PRKN: variants seen among roughly 807,000 people sequenced by gnomAD.
The protein encoded by PRKN is parkin RBR E3 ubiquitin protein ligase.
Under a neutral mutation model 59.5 loss-of-function variants are expected in PRKN, and 56 were observed. The observed-to-expected ratio is 0.94, with a 90% CI of 0.76 to 1.18. The LOEUF is 1.18. Among genes scored for constraint, PRKN ranks in the 50% most tolerant of loss-of-function variants. The pLI is 0.00. For missense variants in PRKN, 657 were observed against 596.4 expected (o/e 1.10, Z -1.06); for synonymous variants, 250 against 222.1 (o/e 1.13, Z -1.12).
chr6:162,481,228 C>T (rs1298185254), intron 1 of PRKN, among the ~76,000 whole-genome samples: 2 of 152,204 alleles, frequency 1.3e-5, no homozygotes. Flanking sequence ...CCCTATTGAT[C>T]TAGCCAGCTT....
intron 2 of PRKN, among the ~76,000 whole-genome samples, chr6:162,425,837 G>A (rs1006924771): frequency 2.0e-5 from 3 of 152,186 alleles, no homozygotes; most frequent in Non-Finnish European, 4.4e-5. Context: ...TGACACTGGT[G>A]TATATTTTTC....
chr6:162,633,881 T>G (rs1373364816), intron 1 of PRKN, among the ~76,000 whole-genome samples: 1 of 152,132 alleles, frequency 6.6e-6, no homozygotes, highest in Non-Finnish European at 1.5e-5. Flanking sequence ...CTAGACATTC[T>G]AGGTGTGAGG....
chr6:162,308,893 T>C (rs894967320), intron 2 of PRKN, among the ~76,000 whole-genome samples: 5 of 152,122 alleles, frequency 3.3e-5, no homozygotes, highest in Admixed American at 2.6e-4. Flanking sequence ...TTCTGGGTTT[T>C]TTTTTCCTAG....
intron 6 of PRKN, among the ~76,000 whole-genome samples, chr6:161,887,405 T>C (rs533766179): frequency 9.7e-4 from 147 of 152,302 alleles, no homozygotes; most frequent in African/African-American, 3.4e-3. Context: ...GCAGTAGGCT[T>C]TCCTCTGCTA....
At chr6:162,237,237 G>A (rs562005141) in intron 3 of PRKN, among the ~76,000 whole-genome samples, 6 of 152,220 alleles carry the variant, frequency 3.9e-5, no homozygotes, top group Admixed American at 3.3e-4. Flanking sequence ...GGAAAAAAAT[G>A]TGATTATTAG....
chr6:161,739,523 A>G (rs971325310), intron 7 of PRKN, among the ~76,000 whole-genome samples: 2 of 152,230 alleles, frequency 1.3e-5, no homozygotes, highest in African/African-American at 4.8e-5. Context: ...TGTAATAGCT[A>G]TTCATACTTA....
chr6:162,321,715 C>G (rs1298060323), intron 2 of PRKN, among the ~76,000 whole-genome samples: 1 of 151,878 alleles, frequency 6.6e-6, no homozygotes, highest in Non-Finnish European at 1.5e-5. Flanking sequence ...CTTTGAAAAT[C>G]AAACATAATT....
In PRKN at chr6:161,566,964, A is replaced by G. The variant is rs1780665029; in HGVS notation, c.933+2391T>C. The stretch of plus-strand genomic sequence containing the variant: ...ATTCACCTGTCACCTGCTCAGTGAA[A>G]CTTTCCCTGACCACCTTATATAAAA... On this transcript the variant is annotated intron_variant, in intron 8 of 11. Transcript: ENST00000366898. This position sits in a 1 kb window ranked among gnomAD's most constrained non-coding sequence, Gnocchi z 4.1. 1.3e-5 allele frequency among the ~76,000 whole-genome samples: 2 copies of G among 150,308 alleles called. No individual in the cohort carries two copies. Among genetic ancestry groups the G allele is most frequent in the African/African-American group, 4.9e-5 (2 of 40,660 alleles).
intron 1 of PRKN, among the ~76,000 whole-genome samples, chr6:162,638,195 T>C (rs1347318545): frequency 1.1e-5 from 1 of 91,580 alleles, no homozygotes; most frequent in Non-Finnish European, 2.1e-5. Context: ...TGTAAGACAA[T>C]AATATTATCC....
At chr6:162,224,239 A>G (rs1778067211) in intron 3 of PRKN, among the ~76,000 whole-genome samples, 1 of 152,192 alleles carries the variant, frequency 6.6e-6, no homozygotes. Context: ...CTGCATATAC[A>G]GTGGTAGTTT....
intron 5 of PRKN, among the ~76,000 whole-genome samples, chr6:162,043,332 TGTTTTTGAATAAG>T (rs1296288630): frequency 6.6e-6 from 1 of 152,164 alleles, no homozygotes; most frequent in African/African-American, 2.4e-5. Context: ...AAAATATAGA[TGTTTTTGAATAAG>T]GTTTTTGAAT....
intron 1 of PRKN, among the ~76,000 whole-genome samples, chr6:162,616,035 C>A (rs1782394706): frequency 6.6e-6 from 1 of 152,176 alleles, no homozygotes; most frequent in African/African-American, 2.4e-5. Context: ...ATATTCAAAA[C>A]CATGAGCTGT....
At position 161,462,267 on chromosome 6, in the gene PRKN, T is replaced by C. The variant is rs1322304422; in HGVS notation, c.1084-75390A>G. Among the ~76,000 whole-genome samples, 1 of 152,180 alleles carries C rather than the reference T, an allele frequency of 6.6e-6. No homozygotes were observed. Among genetic ancestry groups the C allele is most frequent in the Non-Finnish European group, 1.5e-5 (1 of 68,034 alleles). On this transcript the variant is annotated intron_variant, in intron 9 of 11. Transcript: ENST00000366898. The surrounding 1 kb of genome is among the most constrained non-coding windows in gnomAD (Gnocchi z 4.5). Reference sequence around the variant, plus strand: ...AGCCTGAATCATTTACATCTAACAATGTTATCTAGACAGCATGCTTTTATT... The same window carrying C: ...AGCCTGAATCATTTACATCTAACAACGTTATCTAGACAGCATGCTTTTATT...
chr6:161,632,806 G>C (rs1783365018), intron 7 of PRKN, among the ~76,000 whole-genome samples: 1 of 152,114 alleles, frequency 6.6e-6, no homozygotes, highest in Non-Finnish European at 1.5e-5. Context: ...AAAGGTGGGG[G>C]ATACCCCTTA....
At chr6:162,165,034 G>T (rs2849576) in intron 4 of PRKN, among the ~76,000 whole-genome samples, 64,214 of 147,308 alleles carry the variant, frequency 0.44, 16,790 homozygotes, top group East Asian at 0.57. Context: ...AGGCTTATTT[G>T]GAATTTAGGG....
chr6:162,678,096 T>A (rs1218344366), intron 1 of PRKN, among the ~76,000 whole-genome samples: 1 of 152,232 alleles, frequency 6.6e-6, no homozygotes, highest in Non-Finnish European at 1.5e-5. Flanking sequence ...TTCCACACAA[T>A]GATTTTGAAA....
chr6:161,858,878 T>TTTTTTTTTTTTTTTGG (rs71004066), intron 6 of PRKN, among the ~76,000 whole-genome samples: 1 of 145,118 alleles, frequency 6.9e-6, no homozygotes, highest in South Asian at 2.3e-4. Flanking sequence ...TTTTTTTTTT[T>TTTTTTTTTTTTTTTGG]GAGACAGAGG....
chr6:161,350,110 A>T lies in PRKN; in HGVS notation c.1387T>A (p.Phe463Ile). ...CCCGGCCGCCCTGGCTACACGTCGA[A>T]CCAGTGGTCCCCCATGCAGACGCGG... is the stretch of plus-strand genomic sequence containing the variant. ...WNRVCMGDHWFDV is the reference protein window; with the variant it reads ...WNRVCMGDHWIDV Residue 463 changes from phenylalanine to isoleucine, a missense_variant, in exon 12 of 12, where the codon TTC (phenylalanine) becomes ATC (isoleucine). Transcript: ENST00000366898. The T allele has an allele frequency of 6.2e-7, 1 of 1,612,744 alleles. No individual in the cohort carries two copies. The highest frequency in any genetic ancestry group is 8.5e-7 in the Non-Finnish European group (1 of 1,179,170).
chr6:161,574,587 C>T (rs1479960912), intron 7 of PRKN, among the ~76,000 whole-genome samples: 1 of 152,016 alleles, frequency 6.6e-6, no homozygotes, highest in Non-Finnish European at 1.5e-5. Context: ...AAACTCACTG[C>T]TTTTCAACTT....
Sources: allele counts gnomAD v4.1 joint callset (sites outside exome capture counted in the v4.1 genomes callset), GRCh38; gene constraint gnomAD v4.1.1; non-coding constraint Gnocchi (gnomAD v3.1); transcripts MANE v1.5; gene names NCBI Gene and HGNC (gene_info 2026-07-23, HGNC 2026-07-21).